The following PCDH15 variants were observed in gnomAD, a reference collection of about 807,000 sequenced individuals.
The protein encoded by PCDH15 is protocadherin related 15.
A neutral mutation model predicts 178.5 loss-of-function variants in PCDH15; 129 were observed. The observed-to-expected ratio is 0.72, with a 90% confidence interval of 0.63 to 0.84. PCDH15 has a LOEUF of 0.84. PCDH15 is among the 40% of genes least tolerant of loss of function. The pLI is 0.00. For missense variants in PCDH15, 2,230 were observed against 2,099.9 expected (o/e 1.06, Z -1.21); for synonymous variants, 800 against 732.0 (o/e 1.09, Z -1.50).
At chr10:54,456,252 G>T (rs539745110) in intron 3 of PCDH15, among the ~76,000 whole-genome samples, 2 of 152,138 alleles carry the variant, frequency 1.3e-5, no homozygotes, top group Admixed American at 6.5e-5. Flanking sequence ...AGCAGCTGAA[G>T]GGGGGGCATA....
rs182966614 is a variant in PCDH15 at position 54,479,726 on chromosome 10, G to A, written c.157+48086C>T. 4.7e-4 allele frequency among the ~76,000 whole-genome samples: 71 copies of A among 151,638 alleles called. 1 individual carries two copies. The highest frequency in any genetic ancestry group is 8.4e-4 in the Non-Finnish European group (57 of 67,882). ...CTCTAAAAATTCCCTCTACTTACCCGTTTCTGAACAAAAATATCTCACTTC... is the reference window on the plus strand; with the variant it reads ...CTCTAAAAATTCCCTCTACTTACCCATTTCTGAACAAAAATATCTCACTTC... On this transcript the variant is annotated intron_variant, in intron 3 of 37. Coordinates refer to ENST00000644397, the MANE Select transcript of PCDH15 (RefSeq NM_001384140.1).
chr10:55,176,629 G>C (rs2120762), intron 1 of PCDH15, among the ~76,000 whole-genome samples: 8 of 152,224 alleles, frequency 5.3e-5, no homozygotes, highest in East Asian at 1.9e-4. Flanking sequence ...TGAGGGTACA[G>C]AAACCCAATA....
intron 4 of PCDH15, among the ~76,000 whole-genome samples, chr10:54,372,917 A>G (rs532046141): frequency 1.3e-5 from 2 of 151,958 alleles, no homozygotes; most frequent in East Asian, 3.9e-4. Context: ...GGAATGATAT[A>G]TATCAACAAT....
intron 2 of PCDH15, among the ~76,000 whole-genome samples, chr10:55,088,078 T>G (rs1842220553): frequency 6.6e-6 from 1 of 152,154 alleles, no homozygotes; most frequent in Non-Finnish European, 1.5e-5. Flanking sequence ...AAATATTAAT[T>G]GTCTGGCTTT....
At chr10:54,607,972 G>C in intron 2 of PCDH15, 1 of 499,170 alleles carries the variant, frequency 2.0e-6, no homozygotes, top group Non-Finnish European at 4.0e-6. Flanking sequence ...CCGCACTTTG[G>C]AAAGGCTTTG....
chr10:54,295,116 C>T (rs1028343192), intron 8 of PCDH15, among the ~76,000 whole-genome samples: 7 of 152,098 alleles, frequency 4.6e-5, no homozygotes, highest in Non-Finnish European at 1.0e-4. Flanking sequence ...AATTAGAATA[C>T]CCTGGAGTTG....
intron 2 of PCDH15, among the ~76,000 whole-genome samples, chr10:55,535,985 T>G (rs1841570861): frequency 6.6e-6 from 1 of 151,988 alleles, no homozygotes; most frequent in Non-Finnish European, 1.5e-5. Flanking sequence ...ATATATATAT[T>G]TTGAATTATT....
intron 6 of PCDH15, among the ~76,000 whole-genome samples, chr10:54,332,353 A>T (rs867020053): frequency 1.9e-4 from 20 of 106,152 alleles, no homozygotes; most frequent in Non-Finnish European, 2.9e-4. Flanking sequence ...TATATAATAT[A>T]ATATAATCTA....
chr10:55,092,147 T>C (rs1203441679), intron 2 of PCDH15, among the ~76,000 whole-genome samples: 1 of 151,934 alleles, frequency 6.6e-6, no homozygotes, highest in East Asian at 1.9e-4. Context: ...AGAATAATTG[T>C]CTTAATTTTC....
chr10:54,191,794 G>T (rs1462626253), intron 11 of PCDH15, among the ~76,000 whole-genome samples: 1 of 149,692 alleles, frequency 6.7e-6, no homozygotes, highest in African/African-American at 2.4e-5. Flanking sequence ...GGTGGTACAA[G>T]CCTGTAATCC....
intron 2 of PCDH15, among the ~76,000 whole-genome samples, chr10:55,503,971 T>C (rs1840709353): frequency 6.6e-6 from 1 of 151,442 alleles, no homozygotes; most frequent in African/African-American, 2.4e-5. Context: ...ACTTCTAGAA[T>C]AGACAAAACT....
chr10:55,231,361 T>G (rs1841216735), intron 1 of PCDH15, among the ~76,000 whole-genome samples: 1 of 151,964 alleles, frequency 6.6e-6, no homozygotes, highest in Admixed American at 6.6e-5. Flanking sequence ...GCATACTGAC[T>G]CCCGAATAAT....
At chr10:54,885,015 T>C (rs1160003042) in intron 3 of PCDH15, among the ~76,000 whole-genome samples, 1 of 152,128 alleles carries the variant, frequency 6.6e-6, no homozygotes, top group Non-Finnish European at 1.5e-5. Flanking sequence ...TAACATTCAT[T>C]TGTTAATTTA....
chr10:54,479,208 T>C (rs1284530599), intron 3 of PCDH15, among the ~76,000 whole-genome samples: 1 of 151,968 alleles, frequency 6.6e-6, no homozygotes, highest in Non-Finnish European at 1.5e-5. Flanking sequence ...ATTTCTGACA[T>C]TCCTTTTGAA....
intron 25 of PCDH15, among the ~76,000 whole-genome samples, chr10:53,924,420 G>A (rs1002162528): frequency 2.0e-5 from 3 of 152,220 alleles, no homozygotes; most frequent in African/African-American, 4.8e-5. Context: ...CCTCCCTGCG[G>A]GGCAAGGCTT....
At chr10:54,047,930 C>T (rs1347595927) in intron 18 of PCDH15, among the ~76,000 whole-genome samples, 1 of 151,948 alleles carries the variant, frequency 6.6e-6, no homozygotes. Flanking sequence ...GGGTATATAC[C>T]CAGCTATAAG....
Position 55,470,146 on chromosome 10 carries a change from T to A in PCDH15, c.-156+157479A>T, listed in dbSNP as rs1839923824. On this transcript the variant is annotated intron_variant, in intron 2 of 5. Coordinates refer to the PCDH15 transcript ENST00000613346. Reference sequence around the variant, plus strand: ...CAAGCAGATCTCTTGAGGTCAGGAGTTCGAGACCAGCCTGGCCAACATGGT... The same window carrying A: ...CAAGCAGATCTCTTGAGGTCAGGAGATCGAGACCAGCCTGGCCAACATGGT... 3.3e-5 allele frequency among the ~76,000 whole-genome samples: 5 copies of A among 152,144 alleles called. 1 individual carries two copies. In the South Asian group the frequency reaches 1.0e-3, roughly 32 times the overall value.
intron 2 of PCDH15, among the ~76,000 whole-genome samples, chr10:55,395,997 T>A (rs1837919407): frequency 6.6e-6 from 1 of 152,180 alleles, no homozygotes; most frequent in African/African-American, 2.4e-5. Flanking sequence ...ACACAAATGC[T>A]ATATAAGCTA....
chr10:55,135,474 T>G (rs1023869279), intron 2 of PCDH15, among the ~76,000 whole-genome samples: 2 of 151,938 alleles, frequency 1.3e-5, no homozygotes, highest in Non-Finnish European at 2.9e-5. Flanking sequence ...GCTAGTTTCC[T>G]TTCTCTGCTG....
Sources: allele counts gnomAD v4.1 joint callset (sites outside exome capture counted in the v4.1 genomes callset), GRCh38; gene constraint gnomAD v4.1.1; transcripts MANE v1.5; gene names NCBI Gene and HGNC (gene_info 2026-07-23, HGNC 2026-07-21).